The following PTPRN2 variants were observed in gnomAD, a reference collection of about 807,000 sequenced individuals.
The protein encoded by PTPRN2 is protein tyrosine phosphatase receptor type N2, also known as receptor-type tyrosine-protein phosphatase N2.
Under a neutral mutation model 118.8 loss-of-function variants are expected in PTPRN2, and 74 were observed. That is an observed-to-expected ratio of 0.62 (90% CI 0.52 to 0.76). PTPRN2 has a LOEUF of 0.76. PTPRN2 is among the 30% of genes least tolerant of loss of function. The probability of loss-of-function intolerance (pLI) is 0.00; values close to 1 mark genes in which losing one functional copy is unlikely to be tolerated. For missense variants in PTPRN2, 1,481 were observed against 1,394.4 expected (o/e 1.06, Z -0.99); for synonymous variants, 641 against 608.0 (o/e 1.05, Z -0.80).
chr7:157,630,557 A>T (rs1287512572), intron 14 of PTPRN2, among the ~76,000 whole-genome samples: 4 of 152,166 alleles, frequency 2.6e-5, no homozygotes. Flanking sequence ...TACGGGTCTT[A>T]CTCAACAGCT....
chr7:158,071,598 CTG>C (rs1811728467), intron 11 of PTPRN2, among the ~76,000 whole-genome samples: 1 of 7,450 alleles, frequency 1.3e-4, no homozygotes, highest in African/African-American at 5.0e-4. Flanking sequence ...GGAGGTGCTC[CTG>C]GTGGAGGTGC....
In PTPRN2 at chr7:158,332,347, A is replaced by T. The variant is rs540090192; in HGVS notation, c.164-15415T>A. On this transcript the variant is annotated intron_variant, in intron 2 of 22. Transcript: ENST00000389418. ...ATAAGAGCTGAGGCCCACAGAGGAC[A>T]CTCACACCCACACTCTCACCATAAG... 9.1e-4 allele frequency among the ~76,000 whole-genome samples: 133 copies of T among 146,302 alleles called. 2 individuals carry two copies. The highest frequency in any genetic ancestry group is 3.4e-3 in the African/African-American group (127 of 36,874).
At chr7:157,705,913 G>A (rs1029248485) in intron 12 of PTPRN2, among the ~76,000 whole-genome samples, 1 of 152,060 alleles carries the variant, frequency 6.6e-6, no homozygotes, top group Non-Finnish European at 1.5e-5. Flanking sequence ...GGATAAAGGC[G>A]GACCACATCC....
At chr7:157,564,055 T>C (rs1023996061) in intron 21 of PTPRN2, among the ~76,000 whole-genome samples, 3 of 152,242 alleles carry the variant, frequency 2.0e-5, no homozygotes, top group African/African-American at 7.2e-5. Context: ...GGAGGAAATC[T>C]AAGAACAGAT....
Position 158,453,292 on chromosome 7 carries a change from C to T in PTPRN2, c.163+36443G>A, listed in dbSNP as rs565207306. 1.1e-4 allele frequency among the ~76,000 whole-genome samples: 6 copies of T among 54,072 alleles called. No individual in the cohort carries two copies. The East Asian group carries it at 1.9e-3, about 17-fold the overall frequency. 35.5% of individuals were successfully genotyped at this position (54,072 alleles called of 152,430 possible). On this transcript the variant is annotated intron_variant, in intron 2 of 22. Transcript: ENST00000389418. ...ACAGGGTTGGCTAACACAGCCTGGA[C>T]GTAGGGGAATTGAAAGAGGACAGTC...
intron 11 of PTPRN2, among the ~76,000 whole-genome samples, chr7:158,066,837 CAT>C (rs1177113355): frequency 6.6e-6 from 1 of 152,036 alleles, no homozygotes; most frequent in Non-Finnish European, 1.5e-5. Flanking sequence ...ATCCCTGGGA[CAT>C]ATGGGGTGGC....
At chr7:157,982,165 T>G (rs4716864) in intron 11 of PTPRN2, among the ~76,000 whole-genome samples, 1 of 88,394 alleles carries the variant, frequency 1.1e-5, no homozygotes, top group Non-Finnish European at 2.5e-5. Context: ...GTCACAGAGA[T>G]GAGGAGGGGA....
chr7:158,371,366 T>C (rs1403201377), intron 2 of PTPRN2, among the ~76,000 whole-genome samples: 1 of 152,022 alleles, frequency 6.6e-6, no homozygotes, highest in East Asian at 1.9e-4. Flanking sequence ...TTTCACTTCA[T>C]GAAGATTTAA....
intron 12 of PTPRN2, among the ~76,000 whole-genome samples, chr7:157,710,765 G>T (rs1798572672): frequency 1.1e-5 from 1 of 89,470 alleles, no homozygotes; most frequent in Non-Finnish European, 3.2e-5. Context: ...CCGCCCATGT[G>T]CAGGAGGGGT....
intron 1 of PTPRN2, among the ~76,000 whole-genome samples, chr7:158,501,329 G>A (rs1822342032): frequency 6.6e-6 from 1 of 152,194 alleles, no homozygotes; most frequent in Non-Finnish European, 1.5e-5. Flanking sequence ...GGGACTCCAA[G>A]GGTCTCAGAG....
intron 11 of PTPRN2, among the ~76,000 whole-genome samples, chr7:157,947,844 A>G (rs1399378005): frequency 1.3e-5 from 2 of 152,244 alleles, no homozygotes; most frequent in Non-Finnish European, 2.9e-5. Context: ...GATCGTCAAT[A>G]AGATCAACAG....
At chr7:157,777,148 C>T (rs1287334562) in intron 12 of PTPRN2, among the ~76,000 whole-genome samples, 1 of 151,990 alleles carries the variant, frequency 6.6e-6, no homozygotes, top group Non-Finnish European at 1.5e-5. Flanking sequence ...CACTTTTATC[C>T]TCAGTATCAT....
chr7:157,850,964 T>C (rs1361269585), intron 12 of PTPRN2, among the ~76,000 whole-genome samples: 5 of 152,180 alleles, frequency 3.3e-5, no homozygotes, highest in Admixed American at 3.3e-4. Flanking sequence ...GCAAAGCGAG[T>C]TCTTGCTGGG....
At chr7:157,834,702 G>C (rs1272564108) in intron 12 of PTPRN2, among the ~76,000 whole-genome samples, 1 of 152,368 alleles carries the variant, frequency 6.6e-6, no homozygotes, top group Admixed American at 6.5e-5. Context: ...GGGAAGCCAC[G>C]GGGCTGCGGG....
At chr7:158,262,072 C>T (rs58730603) in intron 3 of PTPRN2, among the ~76,000 whole-genome samples, 48,673 of 151,996 alleles carry the variant, frequency 0.32, 7,882 homozygotes, top group African/African-American at 0.33. Flanking sequence ...CTACGGTTCC[C>T]AGAGCACGAA....
In PTPRN2 at chr7:157,784,749, G is replaced by A. The variant is rs745555134; in HGVS notation, c.1789-101812C>T. ...GCAAACCGAGGGCCCCCTGGGTCTC[G>A]ACATTTCACCGCAAACCCTGACCCC... On this transcript the variant is annotated intron_variant, in intron 12 of 22. Coordinates refer to ENST00000389418, the MANE Select transcript of PTPRN2 (RefSeq NM_002847.5). This position sits in a 1 kb window ranked among gnomAD's most constrained non-coding sequence, Gnocchi z 4.6. 6.6e-6 allele frequency among the ~76,000 whole-genome samples: 1 copy of A among 152,058 alleles called. No homozygotes were observed. Among genetic ancestry groups the A allele is most frequent in the Non-Finnish European group, 1.5e-5 (1 of 68,012 alleles).
chr7:158,089,460 T>G lies in PTPRN2; in HGVS notation c.1644-8083A>C, dbSNP rs56889779. On this transcript the variant is annotated intron_variant, in intron 10 of 22. Coordinates refer to ENST00000389418, the MANE Select transcript of PTPRN2 (RefSeq NM_002847.5). ...CTTCACACAAACCTTCTTCCCCTGA[T>G]GAAGGAGGGAGTCTTCACACAAACC... 7.9e-3 allele frequency among the ~76,000 whole-genome samples: 309 copies of G among 39,176 alleles called. 3 individuals are homozygous for G. In the East Asian group the frequency reaches 0.17, roughly 22 times the overall value. The allele number at this position is 39,176 out of a possible 152,430, so 25.7% of individuals were successfully genotyped here. A position where few individuals can be genotyped will look rare whatever the true frequency, so the allele number is the denominator to read the frequency against.
intron 11 of PTPRN2, among the ~76,000 whole-genome samples, chr7:157,994,724 G>A (rs552961492): frequency 3.2e-3 from 85 of 26,470 alleles, no homozygotes; most frequent in African/African-American, 6.7e-3. Flanking sequence ...TCAACGCCGT[G>A]TCCCCAGCTT....
chr7:158,459,357 C>G (rs1245374602), intron 2 of PTPRN2, among the ~76,000 whole-genome samples: 1 of 121,320 alleles, frequency 8.2e-6, no homozygotes, highest in African/African-American at 3.1e-5. Flanking sequence ...CTCCAGAATC[C>G]AGAGGCCCCG....
Sources: allele counts gnomAD v4.1 joint callset (sites outside exome capture counted in the v4.1 genomes callset), GRCh38; gene constraint gnomAD v4.1.1; non-coding constraint Gnocchi (gnomAD v3.1); transcripts MANE v1.5; gene names NCBI Gene and HGNC (gene_info 2026-07-23, HGNC 2026-07-21).